Variants in RABEP1 observed in about 807,000 individuals in gnomAD.
RABEP1 encodes rabaptin, RAB GTPase binding effector protein 1, also known as rab GTPase-binding effector protein 1.
RABEP1 carries 51 observed loss-of-function variants against 123.4 expected under a neutral mutation model. The observed-to-expected ratio is 0.41, with a 90% CI of 0.33 to 0.52. The LOEUF (loss-of-function observed/expected upper bound fraction) is 0.52. RABEP1 is among the 20% of genes least tolerant of loss of function. The pLI is 0.16. For missense variants in RABEP1, 888 were observed against 996.3 expected, an observed-to-expected ratio of 0.89 and a Z score of 1.46; for synonymous variants, 347 against 355.2, an observed-to-expected ratio of 0.98 and a Z score of 0.26.
intron 1 of RABEP1, among the ~76,000 whole-genome samples, chr17:5,300,494 C>T (rs2075126531): frequency 1.3e-5 from 2 of 152,056 alleles, no homozygotes; most frequent in African/African-American, 4.8e-5. Context: ...TAGTATTGGT[C>T]AAGTTTCTCT....
chr17:5,318,730 T>A (rs1335819153), intron 2 of RABEP1, among the ~76,000 whole-genome samples: 2 of 152,224 alleles, frequency 1.3e-5, no homozygotes, highest in African/African-American at 4.8e-5. Flanking sequence ...TGCATAATCC[T>A]AATCTCAAAA....
intron 2 of RABEP1, among the ~76,000 whole-genome samples, chr17:5,314,363 C>T (rs2075275198): frequency 6.7e-6 from 1 of 149,892 alleles, no homozygotes; most frequent in African/African-American, 2.5e-5. Context: ...CTGCCTTAGC[C>T]TCCTAAGTAG....
At chr17:5,338,166 T>G in intron 5 of RABEP1, 28 bp downstream of exon 5, 1 of 1,594,174 alleles carries the variant, frequency 6.3e-7, no homozygotes, top group East Asian at 2.3e-5. Context: ...TCCATTTGCT[T>G]GAAACCCAAG....
intron 13 of RABEP1, 86 bp from the exon 14 acceptor site, chr17:5,377,030 C>T (rs1330539312): frequency 2.9e-6 from 4 of 1,375,292 alleles, no homozygotes; most frequent in Non-Finnish European, 4.0e-6. Context: ...AAAACAACAT[C>T]TGAGATTCTG....
At chr17:5,345,829 G>A (rs982654727) in intron 5 of RABEP1, among the ~76,000 whole-genome samples, 3 of 152,114 alleles carry the variant, frequency 2.0e-5, no homozygotes, top group African/African-American at 7.2e-5. Context: ...GGCATGAAAA[G>A]GACCTTGAAT....
chr17:5,373,060 A>AAGAT (rs765657090), intron 12 of RABEP1, among the ~76,000 whole-genome samples: 1 of 152,186 alleles, frequency 6.6e-6, no homozygotes, highest in Non-Finnish European at 1.5e-5. Context: ...ACCCAACCAA[A>AAGAT]AGATAGAATT....
At chr17:5,333,308 G>A (rs1159881703) in intron 3 of RABEP1, among the ~76,000 whole-genome samples, 2 of 151,876 alleles carry the variant, frequency 1.3e-5, no homozygotes, top group East Asian at 1.9e-4. Flanking sequence ...GACTACAGGC[G>A]CCCGCCACCA....
intron 2 of RABEP1, among the ~76,000 whole-genome samples, chr17:5,310,629 T>C (rs1447878602): frequency 6.6e-6 from 1 of 151,846 alleles, no homozygotes; most frequent in Non-Finnish European, 1.5e-5. Flanking sequence ...TTTAAACATA[T>C]CCAGTGGAAT....
rs929207862 is a variant in RABEP1, at chr17:5,282,430, G to A, written c.-57G>A. ...CCTCCTCCGCCAGCTGAGCCCGCGG[G>A]AGCCCAGGACGCCGCTTCCCCGCCC... On this transcript the variant is annotated 5_prime_UTR_variant, in exon 1 of 18. Transcript: ENST00000537505. 5.5e-6 allele frequency: 7 copies of A among 1,284,376 alleles called. No homozygotes were observed. The highest frequency in any genetic ancestry group is 4.6e-5 in the African/African-American group (3 of 64,690). The allele number at this position is 1,284,376 out of a possible 1,614,324, so 79.6% of individuals were successfully genotyped here. A position where few individuals can be genotyped will look rare whatever the true frequency, so the allele number is the denominator to read the frequency against.
At position 5,332,065 on chromosome 17, in the gene RABEP1, G is replaced by C; in HGVS notation, c.280G>C (p.Val94Leu). ...GGAGAATATTAAGGCGATTGCCACA[G>C]TCTCTGAGAACACCAAGCAAGAAGC... The part of the protein sequence containing the change: ...EMENIKAIAT[V>L]SENTKQEAID... The change falls in exon 3 of 18, where the codon GTC (valine) becomes CTC (leucine). Residue 94 changes from valine (V) to leucine (L), a missense_variant. By Grantham distance (32) the Val-to-Leu change is conservative. Coordinates refer to ENST00000537505, the MANE Select transcript of RABEP1 (RefSeq NM_004703.6). 1 of 1,614,132 alleles carries C rather than the reference G, an allele frequency of 6.2e-7. No homozygotes were observed. The highest frequency in any genetic ancestry group is 1.1e-5 in the South Asian group (1 of 91,082).
rs748973680 is a variant in RABEP1, at chr17:5,383,256, G to A, written c.*33G>A. The A allele has an allele frequency of 6.4e-7, 1 of 1,574,624 alleles. No individual in the cohort carries two copies. Among genetic ancestry groups the A allele is most frequent in the South Asian group, 1.1e-5 (1 of 90,178 alleles). ...ATGGCAGGATTCTAGCCTGCACTTT[G>A]GGTTTTTAACTCATCTTTAGAGCAA... On this transcript the variant is annotated 3_prime_UTR_variant, in exon 18 of 18. Coordinates refer to ENST00000537505, the MANE Select transcript of RABEP1 (RefSeq NM_004703.6).
At chr17:5,295,211 G>A (rs955125564) in intron 1 of RABEP1, among the ~76,000 whole-genome samples, 10 of 151,326 alleles carry the variant, frequency 6.6e-5, no homozygotes, top group Non-Finnish European at 1.2e-4. Context: ...GTGAAACCCC[G>A]TCTCTACTAA....
At chr17:5,345,985 A>G (rs1274214869) in intron 5 of RABEP1, among the ~76,000 whole-genome samples, 2 of 152,158 alleles carry the variant, frequency 1.3e-5, no homozygotes, top group East Asian at 1.9e-4. Flanking sequence ...TAACTTTCCT[A>G]TATTAGACTA....
intron 11 of RABEP1, among the ~76,000 whole-genome samples, chr17:5,365,737 C>T (rs1242714194): frequency 6.6e-6 from 1 of 152,294 alleles, no homozygotes; most frequent in East Asian, 1.9e-4. Context: ...CTTGTAACAC[C>T]ATTAGATTAG....
chr17:5,294,941 C>A (rs377626148), intron 1 of RABEP1, among the ~76,000 whole-genome samples: 1 of 150,928 alleles, frequency 6.6e-6, no homozygotes, highest in East Asian at 1.9e-4. Context: ...CCACCGTGCC[C>A]GGCCAACGGT....
Position 5,335,307 on chromosome 17 carries a change from G to A in RABEP1, c.491G>A (p.Gly164Asp). The A allele has an allele frequency of 6.2e-7, 1 of 1,613,586 alleles. No homozygotes were observed. Among genetic ancestry groups the A allele is most frequent in the Non-Finnish European group, 8.5e-7 (1 of 1,179,778 alleles). ...GATTTAAGAAGAAGGCTGTCTGAAG[G>A]TCAAGAGGAGGAAAATTTAGAAAAT... The part of the protein sequence containing the change: ...IADLRRRLSE[G>D]QEEENLENEM... The change falls in exon 4 of 18, where the codon GGT becomes GAT. Residue 164 changes from glycine to aspartate, a missense_variant. Gly to Asp is a moderately conservative substitution (Grantham distance 94, BLOSUM62 -1). Transcript: ENST00000537505.
chr17:5,307,662 T>G (rs1489931513), intron 1 of RABEP1, among the ~76,000 whole-genome samples: 1 of 152,200 alleles, frequency 6.6e-6, no homozygotes, highest in Non-Finnish European at 1.5e-5. Flanking sequence ...TTTGCACAGC[T>G]GGACCTCCTA....
At position 5,290,091 on chromosome 17, in the gene RABEP1, A is replaced by G. The variant is rs370370176; in HGVS notation, c.34+7571A>G. 1.9e-4 allele frequency among the ~76,000 whole-genome samples: 29 copies of G among 151,962 alleles called. No individual in the cohort carries two copies. In the East Asian group the frequency reaches 2.9e-3, roughly 15 times the overall value. On this transcript the variant is annotated intron_variant, in intron 1 of 17. Transcript: ENST00000537505. Reference sequence around the variant, plus strand: ...ATTTGAATATTGTCTTTATAGAAGTATTTATTTATTTTTTGAGATGGAGTC... The same window carrying G: ...ATTTGAATATTGTCTTTATAGAAGTGTTTATTTATTTTTTGAGATGGAGTC...
At chr17:5,341,340 C>G (rs763463833) in intron 5 of RABEP1, among the ~76,000 whole-genome samples, 7 of 152,036 alleles carry the variant, frequency 4.6e-5, no homozygotes, top group Non-Finnish European at 1.0e-4. Context: ...AACTGTCACA[C>G]AAATAAATTT....
Sources: gnomAD v4.1 joint callset for allele counts (sites outside exome capture counted in the v4.1 genomes callset) on GRCh38, gnomAD v4.1.1 for gene constraint, MANE v1.5 for transcripts, NCBI Gene and HGNC (gene_info 2026-07-23, HGNC 2026-07-21) for gene names.